The following ZNF8 variants were observed in gnomAD, a reference collection of about 807,000 sequenced individuals.
ZNF8 encodes zinc finger protein 272.
In ZNF8, 9 loss-of-function variants were observed where a neutral mutation model predicts 12.2. The observed-to-expected ratio is 0.73, with a 90% CI of 0.44 to 1.28. ZNF8 has a LOEUF of 1.28. Among genes scored for constraint, ZNF8 ranks in the 50% most tolerant of loss-of-function variants. The pLI is 0.00. For missense variants in ZNF8, 664 were observed against 729.1 expected (o/e 0.91, Z 1.03); for synonymous variants, 274 against 282.3 (o/e 0.97, Z 0.30).
At chr19:58,289,820 C>T (rs6510133) in intron 3 of ZNF8, among the ~76,000 whole-genome samples, 88,166 of 150,246 alleles carry the variant, frequency 0.59, 26,203 homozygotes, top group Middle Eastern at 0.69. Context: ...TTTTTTGAGA[C>T]AGAGTCTCGC....
intron 1 of ZNF8, chr19:58,279,555 G>A (rs374106296): frequency 1.3e-6 from 2 of 1,524,432 alleles, no homozygotes; most frequent in African/African-American, 1.4e-5. Context: ...ATCGAATAGA[G>A]ATGCTTTAAC....
At chr19:58,283,090 A>G (rs1279481011) in intron 1 of ZNF8, among the ~76,000 whole-genome samples, 1 of 146,066 alleles carries the variant, frequency 6.8e-6, no homozygotes, top group African/African-American at 2.5e-5. Context: ...CACTCCTCCT[A>G]CATCAGCCTC....
At chr19:58,289,527 AT>A (rs1167236456) in intron 3 of ZNF8, among the ~76,000 whole-genome samples, 1 of 150,264 alleles carries the variant, frequency 6.7e-6, no homozygotes, top group Non-Finnish European at 1.5e-5. Flanking sequence ...GGACAGATTT[AT>A]TTTCTTATAG....
At chr19:58,291,174 C>G (rs1213104423) in intron 3 of ZNF8, among the ~76,000 whole-genome samples, 1 of 152,214 alleles carries the variant, frequency 6.6e-6, no homozygotes. Context: ...TCATTCCTTA[C>G]TGGTTCCCTC....
intron 1 of ZNF8, among the ~76,000 whole-genome samples, chr19:58,285,165 T>G (rs1417850847): frequency 6.6e-6 from 1 of 151,514 alleles, no homozygotes; most frequent in Non-Finnish European, 1.5e-5. Context: ...TTGTTTTTTT[T>G]TTTTGAGATG....
At position 58,294,538 on chromosome 19, in the gene ZNF8, A is replaced by T. The variant is rs760566833; in HGVS notation, c.730A>T (p.Ile244Phe). 3 of 1,614,204 alleles carry T rather than the reference A, an allele frequency of 1.9e-6. No individual in the cohort carries two copies. In the Admixed American group the frequency reaches 5.0e-5, roughly 27 times the overall value. ...CHRDSSQAIP[I>F]TELTKSQVQD... is the part of the protein sequence containing the mutation. The stretch of plus-strand genomic sequence containing the variant: ...CAGAGATTCCAGTCAGGCCATTCCA[A>T]TTACGGAACTCACAAAAAGCCAGGT... The change falls in exon 4 of 4, where the codon ATT becomes TTT. Residue 244 changes from isoleucine to phenylalanine, a missense_variant. Transcript: ENST00000621650. The surrounding 1 kb of genome is among the most constrained non-coding windows in gnomAD (Gnocchi z 5.5).
At chr19:58,279,418 G>A (rs260502) in intron 1 of ZNF8, 325,110 of 1,446,110 alleles carry the variant, frequency 0.22, 39,091 homozygotes, top group East Asian at 0.5. Context: ...CGAGAGAATC[G>A]AGCAGGCCCA....
Position 58,294,219 on chromosome 19 carries a change from A to G in ZNF8, c.411A>G (p.Leu137=), listed in dbSNP as rs2051438146. 6 of 1,614,056 alleles carry G rather than the reference A, an allele frequency of 3.7e-6. No individual in the cohort carries two copies. The highest frequency in any genetic ancestry group is 5.1e-6 in the Non-Finnish European group (6 of 1,180,030). The change falls in exon 4 of 4, where the codon TTA becomes TTG. Residue 137 remains leucine, a synonymous_variant. Coordinates refer to ENST00000621650, the MANE Select transcript of ZNF8 (RefSeq NM_021089.3). The surrounding 1 kb of genome is among the most constrained non-coding windows in gnomAD (Gnocchi z 5.5). ...CAGATGCTCCTTATCCCACCACGTT[A>G]GGGAAAGACAGGGAGTGTCAGAGCC... The part of the protein sequence containing the change: ...FPTDAPYPTT[L]GKDRECQSQS...
At chr19:58,293,139 G>C (rs2051430367) in intron 3 of ZNF8, among the ~76,000 whole-genome samples, 2 of 152,110 alleles carry the variant, frequency 1.3e-5, no homozygotes, top group African/African-American at 2.4e-5. Context: ...AGTAGAGACA[G>C]GGTTGGCCAG....
intron 3 of ZNF8, among the ~76,000 whole-genome samples, chr19:58,290,182 C>T (rs556124002): frequency 3.0e-4 from 40 of 134,652 alleles, no homozygotes; most frequent in African/African-American, 1.1e-3. Flanking sequence ...GGCGCAATCT[C>T]GGCTCATTGC....
intron 1 of ZNF8, chr19:58,279,755 C>T (rs2051336367): frequency 1.3e-6 from 2 of 1,502,434 alleles, no homozygotes; most frequent in South Asian, 2.4e-5. Flanking sequence ...GCAGGGCCAT[C>T]TGGCCATCAG....
rs950235430 is a variant in ZNF8 at position 58,278,971 on chromosome 19, C to T, written c.-111C>T. On this transcript the variant is annotated 5_prime_UTR_variant, in exon 1 of 4. Transcript: ENST00000621650. ...CTGGGAGTTGTAGTCGCCGCGTCGC[C>T]GGTGCGGCCGCCATTGTCCGGCGTT... 3.1e-6 allele frequency: 4 copies of T among 1,279,896 alleles called. No individual in the cohort carries two copies. The highest frequency in any genetic ancestry group is 3.0e-6 in the Non-Finnish European group (3 of 985,068). The allele number at this position is 1,279,896 out of a possible 1,614,324, so 79.3% of individuals were successfully genotyped here.
chr19:58,279,184 G>C, intron 1 of ZNF8, 37 bp downstream of exon 1: 1 of 1,544,214 alleles, frequency 6.5e-7, no homozygotes, highest in Non-Finnish European at 8.7e-7. Flanking sequence ...GGCGGGCTCC[G>C]GGCAAGCGTC....
At chr19:58,284,657 T>C (rs1194009160) in intron 1 of ZNF8, among the ~76,000 whole-genome samples, 1 of 152,180 alleles carries the variant, frequency 6.6e-6, no homozygotes, top group African/African-American at 2.4e-5. Context: ...GAGACCAACC[T>C]GGCCAACATG....
In ZNF8 at chr19:58,299,135, CAG is replaced by C. The variant is rs2051474880; in HGVS notation, c.*3602_*3603del. ...ACAGCAATTTTTTTTTTTTTTGAGACAGAGTCTCGCTGTGTCACCCAGGCTGG... is the reference window on the plus strand; with the variant it reads ...ACAGCAATTTTTTTTTTTTTTGAGACAGTCTCGCTGTGTCACCCAGGCTGG... On this transcript the variant is annotated 3_prime_UTR_variant, in exon 4 of 4. Transcript: ENST00000621650. 6.7e-6 allele frequency: 1 copy of C among 148,562 alleles called. No individual in the cohort carries two copies. The highest frequency in any genetic ancestry group is 2.5e-5 in the African/African-American group (1 of 39,464). The allele number at this position is 148,562 out of a possible 1,614,324, so 9.2% of individuals were successfully genotyped here.
intron 1 of ZNF8, 97 bp downstream of exon 1, chr19:58,279,244 G>T: frequency 6.5e-7 from 1 of 1,533,214 alleles, no homozygotes. Flanking sequence ...GAGCGGCACC[G>T]CTGTTAATGC....
At chr19:58,286,967 C>T (rs1304805682) in intron 3 of ZNF8, among the ~76,000 whole-genome samples, 1 of 152,182 alleles carries the variant, frequency 6.6e-6, no homozygotes, top group Non-Finnish European at 1.5e-5. Flanking sequence ...CATGTCCTTT[C>T]TGTGGCATCA....
chr19:58,286,178 A>G lies in ZNF8; in HGVS notation c.262A>G (p.Arg88Gly). The G allele has an allele frequency of 6.2e-7, 1 of 1,612,536 alleles. No individual in the cohort carries two copies. Among genetic ancestry groups the G allele is most frequent in the Non-Finnish European group, 8.5e-7 (1 of 1,179,684 alleles). Residue 88 changes from arginine to glycine, a missense_variant, in exon 3 of 4, where the codon AGA becomes GGA. Transcript: ENST00000621650. ...EQGTELWVAE[R>G]GTTQGCHPAW... ...AGGGACCGAGCTATGGGTGGCTGAG[A>G]GAGGAACCACCCAGGGCTGCCATCC...
intron 1 of ZNF8, among the ~76,000 whole-genome samples, chr19:58,280,927 C>G (rs1246703673): frequency 1.3e-5 from 2 of 152,182 alleles, no homozygotes; most frequent in Non-Finnish European, 2.9e-5. Context: ...CTCCCTTTGT[C>G]TACCTCTTAT....
Sources: allele counts gnomAD v4.1 joint callset (sites outside exome capture counted in the v4.1 genomes callset), GRCh38; gene constraint gnomAD v4.1.1; non-coding constraint Gnocchi (gnomAD v3.1); transcripts MANE v1.5; gene names NCBI Gene and HGNC (gene_info 2026-07-23, HGNC 2026-07-21).